Variants in CIC observed in about 807,000 individuals in gnomAD.
The protein encoded by CIC is capicua transcriptional repressor, also known as protein capicua homolog.
A neutral mutation model predicts 115.7 loss-of-function variants in CIC; 18 were observed. That is an observed-to-expected ratio of 0.16 (90% CI 0.11 to 0.23). The LOEUF is 0.23. Among genes scored for constraint, CIC ranks in the 10% least tolerant of loss-of-function variants. The pLI is 1.00. For synonymous variants in CIC, 1,076 were observed against 923.0 expected (o/e 1.17, Z -3.01); for missense variants, 2,000 against 2,159.3 (o/e 0.93, Z 1.46).
chr19:42,288,548 A>G (rs915922686), intron 7 of CIC, among the ~76,000 whole-genome samples: 12 of 152,232 alleles, frequency 7.9e-5, no homozygotes, highest in Admixed American at 5.2e-4. Flanking sequence ...ATGCACTTCT[A>G]TGAGAGTGGG....
Position 42,287,979 on chromosome 19 carries a change from A to T in CIC, c.3658+4A>T. 1.9e-6 allele frequency: 3 copies of T among 1,585,822 alleles called. No individual in the cohort carries two copies. The highest frequency in any genetic ancestry group is 2.6e-6 in the Non-Finnish European group (3 of 1,166,552). ...GGCACTGCTGCTGCCCCTGGGGGTTAGTCAGCCCCTTGGCTCTCCCACCCT... is the reference window on the plus strand; with the variant it reads ...GGCACTGCTGCTGCCCCTGGGGGTTTGTCAGCCCCTTGGCTCTCCCACCCT... On this transcript the variant is annotated splice_donor_region_variant and intron_variant, in intron 7 of 20. Coordinates refer to ENST00000681038, the MANE Select transcript of CIC (RefSeq NM_001386298.1). The surrounding 1 kb of genome is among the most constrained non-coding windows in gnomAD (Gnocchi z 8.7).
chr19:42,285,955 A>G (rs771987601), intron 2 of CIC, among the ~76,000 whole-genome samples: 22 of 152,162 alleles, frequency 1.4e-4, no homozygotes, highest in Non-Finnish European at 2.8e-4. Context: ...ACTTGTTACA[A>G]TTCTCTCTTC....
In CIC at chr19:42,272,394, C is replaced by T. The variant is rs2036822421; in HGVS notation, c.611C>T (p.Ser204Phe). The T allele has an allele frequency of 5.0e-6, 2 of 398,418 alleles. No individual in the cohort carries two copies. The highest frequency in any genetic ancestry group is 8.8e-6 in the Non-Finnish European group (2 of 226,000). 24.7% of individuals were successfully genotyped at this position (398,418 alleles called of 1,614,324 possible). A position where few individuals can be genotyped will look rare whatever the true frequency, so the allele number is the denominator to read the frequency against. ...AGCTATGACCTGCGGCAGCTGCGGT[C>T]CCAGCGGGTGCTGGCTCGGCGTGGT... is the stretch of plus-strand genomic sequence containing the variant. Reference protein sequence around the residue: ...SGSYDLRQLRSQRVLARRGDG... With the variant: ...SGSYDLRQLRFQRVLARRGDG... Residue 204 changes from serine to phenylalanine, a missense_variant, in exon 2 of 21, where the codon TCC becomes TTC. Ser to Phe is a radical substitution (Grantham distance 155). Around this residue, in one of 8 missense-constraint regions of CIC, gnomAD observed 222 missense variants for 247.7 expected, o/e 0.90. Coordinates refer to ENST00000681038, the MANE Select transcript of CIC (RefSeq NM_001386298.1).
rs558268596 is a variant in CIC at position 42,269,308 on chromosome 19, G to A, written c.-84G>A. On this transcript the variant is annotated 5_prime_UTR_variant, in exon 1 of 21. Transcript: ENST00000681038. Reference sequence around the variant, plus strand: ...GGAGAATCGAGAGGGAGAGCCGGAGGGGGGGCGGGGAGGGACCGGACCGGA... The same window carrying A: ...GGAGAATCGAGAGGGAGAGCCGGAGAGGGGGCGGGGAGGGACCGGACCGGA... The A allele has an allele frequency of 2.0e-5, 3 of 150,590 alleles. No homozygotes were observed. Among genetic ancestry groups the A allele is most frequent in the Non-Finnish European group, 3.0e-5 (2 of 67,432 alleles). 9.3% of individuals were successfully genotyped at this position (150,590 alleles called of 1,614,324 possible).
Position 42,295,027 on chromosome 19 carries a change from G to T in CIC, c.7390G>T (p.Gly2464Trp). Residue 2464 changes from glycine (G) to tryptophan (W), a missense_variant, in exon 21 of 21, where the codon GGG (glycine) becomes TGG (tryptophan). This residue lies in a region of CIC where 133 missense variants were observed against 116.0 expected (regional missense o/e 1.15). Coordinates refer to ENST00000681038, the MANE Select transcript of CIC (RefSeq NM_001386298.1). ...AAPAPTPSPA[G>W]GPDPTSPSSD... ...CCCTGCCCCCACTCCCAGCCCCGCA[G>T]GGGGCCCTGACCCCACCTCACCCAG... 6 of 1,575,062 alleles carry T rather than the reference G, an allele frequency of 3.8e-6. No individual in the cohort carries two copies. Among genetic ancestry groups the T allele is most frequent in the Non-Finnish European group, 5.1e-6 (6 of 1,169,044 alleles).
chr19:42,289,973 C>G, intron 10 of CIC, 22 bp downstream of exon 10: 1 of 1,555,942 alleles, frequency 6.4e-7, no homozygotes, highest in South Asian at 1.1e-5. Context: ...GGTCACGGTG[C>G]TGTCCCATCA....
rs1183639936 is a variant in CIC at position 42,295,516 on chromosome 19, C to T, written c.*325C>T. 2 of 311,306 alleles carry T rather than the reference C, an allele frequency of 6.4e-6. No homozygotes were observed. The highest frequency in any genetic ancestry group is 1.2e-5 in the Non-Finnish European group (2 of 166,630). The allele number at this position is 311,306 out of a possible 1,614,324, so 19.3% of individuals were successfully genotyped here. The stretch of plus-strand genomic sequence containing the variant: ...GGAGGGTGGTGCAGGCCTTGGGCCA[C>T]AGGGAGGCGCCTGTGGAATAGGGGG... On this transcript the variant is annotated 3_prime_UTR_variant, in exon 21 of 21. Transcript: ENST00000681038.
rs1301672793 is a variant in CIC, at chr19:42,287,131, G to A, written c.3070G>A (p.Gly1024Arg). 2 of 1,613,572 alleles carry A rather than the reference G, an allele frequency of 1.2e-6. No homozygotes were observed. The highest frequency in any genetic ancestry group is 1.7e-6 in the Non-Finnish European group (2 of 1,179,918). Reference protein sequence around the residue: ...SPGPGPPHPLGVVESGKGPPP... With the variant: ...SPGPGPPHPLRVVESGKGPPP... ...AGGACCCGGACCCCCACACCCTTTG[G>A]GGGTGGTGGAATCTGGTAAGGGTCC... The change falls in exon 4 of 21, where the codon GGG (glycine) becomes AGG (arginine). Residue 1024 changes from glycine to arginine, a missense_variant. Physicochemically the swap from Gly to Arg is moderately radical, Grantham distance 125. Around this residue, in one of 8 missense-constraint regions of CIC, gnomAD observed 222 missense variants for 247.7 expected, o/e 0.90. Coordinates refer to ENST00000681038, the MANE Select transcript of CIC (RefSeq NM_001386298.1). The surrounding 1 kb of genome is among the most constrained non-coding windows in gnomAD (Gnocchi z 8.7).
At chr19:42,285,085 C>G (rs2037536890) in intron 2 of CIC, among the ~76,000 whole-genome samples, 1 of 152,050 alleles carries the variant, frequency 6.6e-6, no homozygotes, top group African/African-American at 2.4e-5. Flanking sequence ...ACGAGACCTG[C>G]TGGTCCTAGG....
intron 2 of CIC, among the ~76,000 whole-genome samples, chr19:42,286,356 G>A (rs1302844119): frequency 2.6e-5 from 4 of 152,080 alleles, no homozygotes; most frequent in South Asian, 2.1e-4. Context: ...TGTGTTGGGC[G>A]GCGACTGGGC....
At position 42,287,116 on chromosome 19, in the gene CIC, C is replaced by T. The variant is rs2147180215; in HGVS notation, c.3055C>T (p.Pro1019Ser). Reference sequence around the variant, plus strand: ...ATGCCCTGAGAGCCCAGGACCCGGACCCCCACACCCTTTGGGGGTGGTGGA... The same window carrying T: ...ATGCCCTGAGAGCCCAGGACCCGGATCCCCACACCCTTTGGGGGTGGTGGA... ...ATCPESPGPG[P>S]PHPLGVVESG... The change falls in exon 4 of 21, where the codon CCC becomes TCC. Residue 1019 changes from proline to serine, a missense_variant. By Grantham distance (74) the Pro-to-Ser change is moderately conservative. Coordinates refer to ENST00000681038, the MANE Select transcript of CIC (RefSeq NM_001386298.1). This position sits in a 1 kb window ranked among gnomAD's most constrained non-coding sequence, Gnocchi z 8.7. 2 of 1,613,590 alleles carry T rather than the reference C, an allele frequency of 1.2e-6. No homozygotes were observed. The highest frequency in any genetic ancestry group is 1.1e-5 in the South Asian group (1 of 91,074).
In CIC at chr19:42,273,571, G is replaced by A. The variant is rs1483862625; in HGVS notation, c.1788G>A (p.Glu596=). 1.5e-5 allele frequency: 6 copies of A among 398,468 alleles called. No homozygotes were observed. Among genetic ancestry groups the A allele is most frequent in the African/African-American group, 8.2e-5 (4 of 48,618 alleles). The allele number at this position is 398,468 out of a possible 1,614,324, so 24.7% of individuals were successfully genotyped here. ...ACTTGTCACGCTTTGAGTTCGACGA[G>A]TGTGAGGCGGCCGTGATGCTGGTGT... is the stretch of plus-strand genomic sequence containing the variant. ...PADLSRFEFD[E]CEAAVMLVSL... The change falls in exon 2 of 21, where the codon GAG becomes GAA. Residue 596 remains glutamate (E), a synonymous_variant. Coordinates refer to ENST00000681038, the MANE Select transcript of CIC (RefSeq NM_001386298.1).
rs1230082595 is a variant in CIC at position 42,293,938 on chromosome 19, G to T, written c.6771G>T (p.Arg2257Ser). The T allele has an allele frequency of 1.2e-6, 2 of 1,613,172 alleles. No homozygotes were observed. The highest frequency in any genetic ancestry group is 1.7e-6 in the Non-Finnish European group (2 of 1,179,986). ...GGTGACCCTGCCGGCCCTCCAGCAG[G>T]GTCCTGTCAGAAGTGGACTTCGAAG... ...LKKTFDSVDN[R>S]VLSEVDFEER... Residue 2257 changes from arginine to serine, a missense_variant, in exon 18 of 21, where the codon AGG (arginine) becomes AGT (serine). Arg to Ser is a moderately radical substitution (Grantham distance 110, BLOSUM62 -1). Around this residue, in one of 8 missense-constraint regions of CIC, gnomAD observed 99 missense variants for 217.6 expected, o/e 0.45. Coordinates refer to ENST00000681038, the MANE Select transcript of CIC (RefSeq NM_001386298.1).
chr19:42,291,654 C>T lies in CIC; in HGVS notation c.5522C>T (p.Ser1841Leu), dbSNP rs780136120. 6.2e-7 allele frequency: 1 copy of T among 1,612,920 alleles called. No individual in the cohort carries two copies. The highest frequency in any genetic ancestry group is 8.5e-7 in the Non-Finnish European group (1 of 1,180,016). The change falls in exon 12 of 21, where the codon TCA (serine) becomes TTA (leucine). Residue 1841 changes from serine (S) to leucine (L), a missense_variant. Around this residue, in one of 8 missense-constraint regions of CIC, gnomAD observed 1,466 missense variants for 1,390.4 expected, o/e 1.05. Coordinates refer to ENST00000681038, the MANE Select transcript of CIC (RefSeq NM_001386298.1). The part of the protein sequence containing the change: ...VLVPLAAPSM[S>L]VRGGGAGQPL... Reference sequence around the variant, plus strand: ...GTGCCTCTGGCCGCCCCTAGCATGTCAGTGCGGGGTGGAGGGGCCGGCCAG... The same window carrying T: ...GTGCCTCTGGCCGCCCCTAGCATGTTAGTGCGGGGTGGAGGGGCCGGCCAG...
Position 42,292,334 on chromosome 19 carries a change from C to G in CIC, c.5770C>G (p.Leu1924Val). 5.0e-6 allele frequency: 8 copies of G among 1,613,152 alleles called. No homozygotes were observed. Among genetic ancestry groups the G allele is most frequent in the Non-Finnish European group, 6.8e-6 (8 of 1,179,976 alleles). ...TYVQSAGGHA[L>V]PLGTSPASSQ... ...TGTGCAGTCAGCGGGCGGGCACGCGCTGCCCCTGGGTACCAGCCCTGCGTC... is the reference window on the plus strand; with the variant it reads ...TGTGCAGTCAGCGGGCGGGCACGCGGTGCCCCTGGGTACCAGCCCTGCGTC... Residue 1924 changes from leucine (L) to valine (V), a missense_variant, in exon 14 of 21, where the codon CTG becomes GTG. Physicochemically the swap from Leu to Val is conservative, Grantham distance 32. Around this residue, in one of 8 missense-constraint regions of CIC, gnomAD observed 1,466 missense variants for 1,390.4 expected, o/e 1.05. Coordinates refer to ENST00000681038, the MANE Select transcript of CIC (RefSeq NM_001386298.1).
intron 2 of CIC, among the ~76,000 whole-genome samples, chr19:42,278,259 G>T (rs1306791697): frequency 2.0e-5 from 3 of 152,240 alleles, no homozygotes; most frequent in African/African-American, 7.2e-5. Context: ...CCCAGTCCAG[G>T]AGGCCAGATG....
chr19:42,294,632 G>A lies in CIC; in HGVS notation c.7083G>A (p.Glu2361=), dbSNP rs1599939436. 1.2e-6 allele frequency: 2 copies of A among 1,613,698 alleles called. No homozygotes were observed. The highest frequency in any genetic ancestry group is 2.2e-5 in the East Asian group (1 of 44,864). ...CAGAAGCCGAGGACGTGCTTGGGGAGCTAGAGTATGACAAGGTGCCATACT... is the reference window on the plus strand; with the variant it reads ...CAGAAGCCGAGGACGTGCTTGGGGAACTAGAGTATGACAAGGTGCCATACT... ...TGTEAEDVLG[E]LEYDKVPYSS... The change falls in exon 20 of 21, where the codon GAG becomes GAA. Residue 2361 remains glutamate, a synonymous_variant. Coordinates refer to ENST00000681038, the MANE Select transcript of CIC (RefSeq NM_001386298.1).
rs759429513 is a variant in CIC at position 42,287,340 on chromosome 19, C to G, written c.3200C>G (p.Pro1067Arg). 2.5e-6 allele frequency: 4 copies of G among 1,614,060 alleles called. No individual in the cohort carries two copies. The highest frequency in any genetic ancestry group is 3.4e-6 in the Non-Finnish European group (4 of 1,180,038). Residue 1067 changes from proline to arginine, a missense_variant, in exon 5 of 21, where the codon CCT becomes CGT. Physicochemically the swap from Pro to Arg is moderately radical, Grantham distance 103 (BLOSUM62 -2). This residue lies in a region of CIC where 222 missense variants were observed against 247.7 expected (regional missense o/e 0.90). Transcript: ENST00000681038. This position sits in a 1 kb window ranked among gnomAD's most constrained non-coding sequence, Gnocchi z 8.7. ...HDDAFLSIMS[P>R]EIQLPLPPGK... ...CGCAGCTTCCTCTCCATCATGTCTC[C>G]TGAGATCCAGTTGCCTCTACCGCCC...
At chr19:42,286,704 G>A in intron 2 of CIC, 67 bp from the exon 3 acceptor site, 1 of 1,607,372 alleles carries the variant, frequency 6.2e-7, no homozygotes. Flanking sequence ...CTAGGGTGGG[G>A]AAGAGCTTGA....
Sources: gnomAD v4.1 joint callset for allele counts (sites outside exome capture counted in the v4.1 genomes callset) on GRCh38, gnomAD v4.1.1 for gene constraint, gnomAD v4.1.1 regional missense constraint, Gnocchi (gnomAD v3.1) non-coding constraint, MANE v1.5 for transcripts, NCBI Gene and HGNC (gene_info 2026-07-23, HGNC 2026-07-21) for gene names.